KLHL8: variants seen among roughly 807,000 people sequenced by gnomAD.
The protein encoded by KLHL8 is kelch like family member 8.
A neutral mutation model predicts 63.5 loss-of-function variants in KLHL8; 38 were observed. The ratio of observed to expected loss-of-function variants is 0.60; its 90% CI spans 0.46 to 0.78. The LOEUF (loss-of-function observed/expected upper bound fraction) is 0.78. KLHL8 is among the 30% of genes least tolerant of loss of function. The pLI, the probability that KLHL8 is intolerant of heterozygous loss-of-function variation, is 0.00. For synonymous variants in KLHL8, 224 were observed against 254.3 expected, an observed-to-expected ratio of 0.88 and a Z score of 1.13; for missense variants, 566 against 752.4, an observed-to-expected ratio of 0.75 and a Z score of 2.90.
Position 87,202,106 on chromosome 4 carries a change from C to CA in KLHL8, c.-151-6417dup, listed in dbSNP as rs879415755. On this transcript the variant is annotated intron_variant, in intron 1 of 9. Transcript: ENST00000273963. Reference sequence around the variant, plus strand: ...GCCTGGGCGACTGAGACTCCCTCTCCAAAAAAAAAAAGAGAAAGTATTAAA... The same window carrying CA: ...GCCTGGGCGACTGAGACTCCCTCTCCAAAAAAAAAAAAGAGAAAGTATTAAA... Among the ~76,000 whole-genome samples the CA allele has an allele frequency of 5.3e-3, 708 of 134,576 alleles. 4 individuals are homozygous for CA. The highest frequency in any genetic ancestry group is 0.016 in the African/African-American group (603 of 36,764). The allele number at this position is 134,576 out of a possible 152,430, so 88.3% of individuals were successfully genotyped here.
intron 8 of KLHL8, 67 bp from the exon 9 acceptor site, chr4:87,164,146 A>G (rs1423042202): frequency 4.4e-6 from 6 of 1,363,894 alleles, no homozygotes; most frequent in Non-Finnish European, 6.2e-6. Flanking sequence ...ATTTCAATTC[A>G]ATGGCTTTTA....
At chr4:87,172,220 G>A (rs770697026) in intron 6 of KLHL8, among the ~76,000 whole-genome samples, 10 of 152,168 alleles carry the variant, frequency 6.6e-5, no homozygotes, top group Non-Finnish European at 1.3e-4. Flanking sequence ...GGGAACATGT[G>A]GGAAGGATCT....
At chr4:87,165,062 T>C (rs907560948) in intron 8 of KLHL8, among the ~76,000 whole-genome samples, 1 of 143,798 alleles carries the variant, frequency 7.0e-6, no homozygotes, top group African/African-American at 2.6e-5. Context: ...GGCAGGACAA[T>C]GGCGTGAACC....
intron 1 of KLHL8, among the ~76,000 whole-genome samples, chr4:87,209,745 T>G (rs571268545): frequency 5.9e-5 from 9 of 152,150 alleles, no homozygotes; most frequent in African/African-American, 2.2e-4. Flanking sequence ...ATTATCCTCA[T>G]AACTCTTTGC....
intron 1 of KLHL8, among the ~76,000 whole-genome samples, chr4:87,198,390 G>A (rs1731783610): frequency 1.3e-5 from 2 of 152,114 alleles, no homozygotes. Context: ...GCTGATCCCT[G>A]AGTAAGATGG....
At chr4:87,185,879 G>C (rs556504073) in intron 2 of KLHL8, 80 bp from the exon 3 acceptor site, 1 of 1,230,432 alleles carries the variant, frequency 8.1e-7, no homozygotes, top group South Asian at 1.6e-5. Flanking sequence ...GTTTGTAGCA[G>C]GGACAAAATT....
intron 1 of KLHL8, chr4:87,207,749 C>A: frequency 1.2e-6 from 1 of 862,076 alleles, no homozygotes. Context: ...AAGGCCCTCT[C>A]TGAGCTGAAT....
intron 1 of KLHL8, among the ~76,000 whole-genome samples, chr4:87,206,742 TTAAA>T (rs1213910585): frequency 1.3e-5 from 2 of 152,252 alleles, no homozygotes; most frequent in Non-Finnish European, 2.9e-5. Context: ...AAGGCCCAAC[TTAAA>T]TAATTCCTTT....
chr4:87,164,934 G>A (rs548280048), intron 8 of KLHL8, among the ~76,000 whole-genome samples: 3 of 152,106 alleles, frequency 2.0e-5, no homozygotes, highest in African/African-American at 7.2e-5. Flanking sequence ...CGATCACGAG[G>A]TCAGGAGATC....
At chr4:87,167,426 C>T in intron 8 of KLHL8, 1 of 474,758 alleles carries the variant, frequency 2.1e-6, no homozygotes, top group Non-Finnish European at 4.2e-6. Context: ...AAGGTGTTCT[C>T]CTACTCCAGG....
intron 1 of KLHL8, chr4:87,207,079 C>T (rs766509577): frequency 2.8e-5 from 13 of 468,672 alleles, no homozygotes; most frequent in Admixed American, 5.0e-5. Context: ...CCAGCTGCAT[C>T]GCTGAGGTAG....
At chr4:87,175,132 T>C (rs1730774963) in intron 6 of KLHL8, among the ~76,000 whole-genome samples, 1 of 152,188 alleles carries the variant, frequency 6.6e-6, no homozygotes, top group African/African-American at 2.4e-5. Context: ...ATTATAAACA[T>C]GTTACTGTAC....
chr4:87,207,946 A>G, intron 1 of KLHL8: 2 of 895,754 alleles, frequency 2.2e-6, no homozygotes, highest in Non-Finnish European at 3.7e-6. Flanking sequence ...CAACTTCAAC[A>G]GCAACACGCA....
intron 6 of KLHL8, among the ~76,000 whole-genome samples, chr4:87,174,336 T>C (rs1222475791): frequency 6.6e-6 from 1 of 151,852 alleles, no homozygotes. Flanking sequence ...TGGAGTGCAA[T>C]GGCGCAATCT....
intron 2 of KLHL8, among the ~76,000 whole-genome samples, chr4:87,190,365 C>T (rs1731433552): frequency 6.6e-6 from 1 of 152,046 alleles, no homozygotes; most frequent in Non-Finnish European, 1.5e-5. Context: ...AACCTACTGG[C>T]CAGGGGCAGT....
Position 87,235,374 on chromosome 4 carries a change from G to A in KLHL8, n.57+4884C>T, listed in dbSNP as rs1733208647. Among the ~76,000 whole-genome samples, 4 of 152,166 alleles carry A rather than the reference G, an allele frequency of 2.6e-5. No individual in the cohort carries two copies. The South Asian group carries it at 8.3e-4, about 32-fold the overall frequency. The stretch of plus-strand genomic sequence containing the variant: ...AGTATTCAGTCCAGTAACATGCCAT[G>A]TGGGTTTGTAGCCTAGGAGCAGTAG... On this transcript the variant is annotated intron_variant and non_coding_transcript_variant, in intron 1 of 1. Transcript: ENST00000506274.
intron 3 of KLHL8, among the ~76,000 whole-genome samples, chr4:87,184,320 G>A (rs1731169663): frequency 7.4e-6 from 1 of 135,398 alleles, no homozygotes; most frequent in Non-Finnish European, 1.7e-5. Flanking sequence ...TTGAAAAAAT[G>A]TCTTATCATC....
At chr4:87,234,528 C>A (rs1733194575) in intron 1 of KLHL8, among the ~76,000 whole-genome samples, 1 of 151,952 alleles carries the variant, frequency 6.6e-6, no homozygotes, top group Non-Finnish European at 1.5e-5. Context: ...ACGCATTACT[C>A]AAGCTCATGT....
intron 1 of KLHL8, among the ~76,000 whole-genome samples, chr4:87,226,568 G>GCTCT (rs1226100384): frequency 9.7e-5 from 9 of 92,466 alleles, no homozygotes; most frequent in Admixed American, 6.1e-4. Context: ...TCTCTCTCTC[G>GCTCT]CTCTCTCTCT....
Sources: allele counts gnomAD v4.1 joint callset (sites outside exome capture counted in the v4.1 genomes callset), GRCh38; gene constraint gnomAD v4.1.1; transcripts MANE v1.5; gene names NCBI Gene and HGNC (gene_info 2026-07-23, HGNC 2026-07-21).